ARHGAP20: variants seen among roughly 807,000 people sequenced by gnomAD.
ARHGAP20 encodes the protein Rho GTPase activating protein 20.
Under a neutral mutation model 73.7 loss-of-function variants are expected in ARHGAP20, and 34 were observed. That is an observed-to-expected ratio of 0.46 (90% CI 0.35 to 0.61). The LOEUF is 0.61. ARHGAP20 is among the 20% of genes least tolerant of loss of function. ARHGAP20 has a pLI of 0.00. For missense variants in ARHGAP20, 1,314 were observed against 1,420.9 expected (o/e 0.92, Z 1.21); for synonymous variants, 523 against 518.2 (o/e 1.01, Z -0.13).
At chr11:110,709,088 TG>T (rs1455476545) in intron 1 of ARHGAP20, among the ~76,000 whole-genome samples, 1 of 152,180 alleles carries the variant, frequency 6.6e-6, no homozygotes, top group Admixed American at 6.5e-5. Context: ...ACTCACCACT[TG>T]TTTCTCTAAA....
chr11:110,589,998 G>A (rs770247458), intron 11 of ARHGAP20, among the ~76,000 whole-genome samples: 1 of 151,896 alleles, frequency 6.6e-6, no homozygotes, highest in Non-Finnish European at 1.5e-5. Flanking sequence ...GTGCAGGCTT[G>A]TAATCCCAGC....
At position 110,577,341 on chromosome 11, in the gene ARHGAP20, A is replaced by AAACT. The variant is rs1947311966; in HGVS notation, c.*2025_*2028dup. The AAACT allele has an allele frequency of 8.0e-7, 1 of 1,244,376 alleles. No individual in the cohort carries two copies. The highest frequency in any genetic ancestry group is 1.0e-6 in the Non-Finnish European group (1 of 993,300). 77.1% of individuals were successfully genotyped at this position (1,244,376 alleles called of 1,614,324 possible). On this transcript the variant is annotated 3_prime_UTR_variant, in exon 15 of 15. Coordinates refer to ENST00000683387, the MANE Select transcript of ARHGAP20 (RefSeq NM_001384657.1). ...TATAATACTTTACAGCAATATTAAC[A>AAACT]AACTATTCACATTAAGAATTACAGG...
chr11:110,577,258 T>G lies in ARHGAP20; in HGVS notation c.*2112A>C. 7.0e-7 allele frequency: 1 copy of G among 1,438,506 alleles called. No individual in the cohort carries two copies. The highest frequency in any genetic ancestry group is 2.6e-5 in the East Asian group (1 of 39,182). The allele number at this position is 1,438,506 out of a possible 1,614,324, so 89.1% of individuals were successfully genotyped here. ...TTTTAGATAAAGCATCAGTCTAATA[T>G]ATTATAGATTGATGGAGTATAATAA... is the stretch of plus-strand genomic sequence containing the variant. On this transcript the variant is annotated 3_prime_UTR_variant, in exon 15 of 15. Coordinates refer to ENST00000683387, the MANE Select transcript of ARHGAP20 (RefSeq NM_001384657.1).
chr11:110,685,119 CATATTGGAAAATA>C (rs1950106946), intron 2 of ARHGAP20, among the ~76,000 whole-genome samples: 1 of 152,062 alleles, frequency 6.6e-6, no homozygotes. Flanking sequence ...AAATTAAGAT[CATATTGGAAAATA>C]CACAGTCTTC....
intron 4 of ARHGAP20, among the ~76,000 whole-genome samples, chr11:110,622,991 C>G (rs1462481598): frequency 6.6e-6 from 1 of 151,690 alleles, no homozygotes; most frequent in Non-Finnish European, 1.5e-5. Context: ...TGTAGTCATA[C>G]CCTCACTTAA....
chr11:110,595,137 C>T (rs372924405), intron 9 of ARHGAP20, among the ~76,000 whole-genome samples: 17,278 of 151,208 alleles, frequency 0.11, 1,280 homozygotes, highest in African/African-American at 0.2. Context: ...ATTGATGGGA[C>T]GTATCTCAAA....
chr11:110,664,714 T>G (rs1168666487), intron 2 of ARHGAP20, among the ~76,000 whole-genome samples: 3 of 118,806 alleles, frequency 2.5e-5, no homozygotes, highest in Non-Finnish European at 4.9e-5. Flanking sequence ...GGCGACAGAG[T>G]GAGACTCCGT....
chr11:110,613,007 AT>A (rs1467023027), intron 6 of ARHGAP20, among the ~76,000 whole-genome samples: 1 of 152,028 alleles, frequency 6.6e-6, no homozygotes, highest in East Asian at 1.9e-4. Flanking sequence ...AAAGTCTAAA[AT>A]TTTTTCCATT....
rs762142195 is a variant in ARHGAP20, at chr11:110,579,506, C to A, written c.3440G>T (p.Ser1147Ile). The A allele has an allele frequency of 3.1e-6, 5 of 1,614,196 alleles. No individual in the cohort carries two copies. Among genetic ancestry groups the A allele is most frequent in the Non-Finnish European group, 4.2e-6 (5 of 1,180,032 alleles). ...AGGCAGAGAACCAGAAGAGCTCTGA[C>A]TACCAGGCTCTATTTCCTCATGTGA... Reference protein sequence around the residue: ...MKSHEEIEPGSQSSSGSLPWE... With the variant: ...MKSHEEIEPGIQSSSGSLPWE... Residue 1147 changes from serine (S) to isoleucine (I), a missense_variant, in exon 15 of 15, where the codon AGT becomes ATT. This residue lies in a region of ARHGAP20 where 641 missense variants were observed against 636.9 expected (regional missense o/e 1.01). Coordinates refer to ENST00000683387, the MANE Select transcript of ARHGAP20 (RefSeq NM_001384657.1).
chr11:110,589,511 G>A, intron 11 of ARHGAP20: 2 of 985,422 alleles, frequency 2.0e-6, no homozygotes, highest in Non-Finnish European at 2.4e-6. Flanking sequence ...TGAGATACAG[G>A]CTGGGGCCTT....
Position 110,577,898 on chromosome 11 carries a change from T to C in ARHGAP20, c.*1472A>G. The C allele has an allele frequency of 2.0e-6, 2 of 985,780 alleles. No homozygotes were observed. The highest frequency in any genetic ancestry group is 1.2e-6 in the Non-Finnish European group (1 of 829,830). 61.1% of individuals were successfully genotyped at this position (985,780 alleles called of 1,614,324 possible). A position where few individuals can be genotyped will look rare whatever the true frequency, so the allele number is the denominator to read the frequency against. Reference sequence around the variant, plus strand: ...AACAAAAAAGAAAGAACATTTGATATGACCATTTTCTGGTGATTAATAAGA... The same window carrying C: ...AACAAAAAAGAAAGAACATTTGATACGACCATTTTCTGGTGATTAATAAGA... On this transcript the variant is annotated 3_prime_UTR_variant, in exon 15 of 15. Coordinates refer to ENST00000683387, the MANE Select transcript of ARHGAP20 (RefSeq NM_001384657.1).
At chr11:110,602,291 T>TAA (rs1948130933) in intron 9 of ARHGAP20, among the ~76,000 whole-genome samples, 1 of 152,150 alleles carries the variant, frequency 6.6e-6, no homozygotes, top group Non-Finnish European at 1.5e-5. Flanking sequence ...GTTAAATTTT[T>TAA]AAGGCAAAGT....
At chr11:110,650,909 AC>A (rs1277375488) in intron 2 of ARHGAP20, among the ~76,000 whole-genome samples, 5 of 152,158 alleles carry the variant, frequency 3.3e-5, no homozygotes, top group Non-Finnish European at 7.4e-5. Flanking sequence ...TGATGCGAGG[AC>A]AAATCTTTCA....
rs954565368 is a variant in ARHGAP20 at position 110,590,099 on chromosome 11, C to T, written c.1305+549G>A. On this transcript the variant is annotated intron_variant, in intron 11 of 14. Coordinates refer to ENST00000683387, the MANE Select transcript of ARHGAP20 (RefSeq NM_001384657.1). ...TCATGCCATTGCACTCCAGCCTGGC[C>T]GACAGAGTGAGACCCCGCCTCAAAA... 7.7e-4 allele frequency among the ~76,000 whole-genome samples: 110 copies of T among 143,748 alleles called. 1 individual carries two copies. Among genetic ancestry groups the T allele is most frequent in the African/African-American group, 2.7e-3 (104 of 38,268 alleles). 94.3% of individuals were successfully genotyped at this position (143,748 alleles called of 152,430 possible). A position where few individuals can be genotyped will look rare whatever the true frequency, so the allele number is the denominator to read the frequency against.
At chr11:110,697,922 C>T (rs149684671) in intron 1 of ARHGAP20, among the ~76,000 whole-genome samples, 1 of 151,698 alleles carries the variant, frequency 6.6e-6, no homozygotes, top group African/African-American at 2.4e-5. Flanking sequence ...TTTTTGGTTC[C>T]ATATGAACTT....
intron 3 of ARHGAP20, among the ~76,000 whole-genome samples, chr11:110,630,103 TTCC>T (rs1184196541): frequency 6.6e-6 from 1 of 152,184 alleles, no homozygotes; most frequent in African/African-American, 2.4e-5. Context: ...CTTCTTTTAA[TTCC>T]TCCAAGTGCT....
intron 1 of ARHGAP20, among the ~76,000 whole-genome samples, chr11:110,696,279 C>T (rs1490493016): frequency 1.3e-5 from 2 of 151,486 alleles, no homozygotes; most frequent in Non-Finnish European, 3.0e-5. Flanking sequence ...ACACTAAAAG[C>T]CGCTGAACAT....
At chr11:110,679,279 G>C (rs1949992078) in intron 2 of ARHGAP20, among the ~76,000 whole-genome samples, 2 of 152,252 alleles carry the variant, frequency 1.3e-5, no homozygotes, top group South Asian at 2.1e-4. Context: ...CCTAATCTCG[G>C]AAGTGGCACA....
At chr11:110,681,316 A>G (rs542515219) in intron 2 of ARHGAP20, among the ~76,000 whole-genome samples, 2 of 152,308 alleles carry the variant, frequency 1.3e-5, no homozygotes, top group Admixed American at 1.3e-4. Flanking sequence ...AACCATACCT[A>G]GGTATAGAAA....
Sources: gnomAD v4.1 joint callset for allele counts (sites outside exome capture counted in the v4.1 genomes callset) on GRCh38, gnomAD v4.1.1 for gene constraint, gnomAD v4.1.1 regional missense constraint, MANE v1.5 for transcripts, NCBI Gene and HGNC (gene_info 2026-07-23, HGNC 2026-07-21) for gene names.